Variants in FHOD3 observed in about 807,000 individuals in gnomAD.
FHOD3 encodes FH1/FH2 domain-containing protein 3.
In FHOD3, 90 loss-of-function variants were observed where a neutral mutation model predicts 173.0. The observed-to-expected ratio is 0.52, with a 90% confidence interval of 0.44 to 0.62. The LOEUF (loss-of-function observed/expected upper bound fraction) is 0.62, where lower values mean the gene tolerates loss of function less well. FHOD3 is among the 20% of genes least tolerant of loss of function. FHOD3 has a pLI of 0.00. For synonymous variants in FHOD3, 828 were observed against 823.0 expected (o/e 1.01, Z -0.10); for missense variants, 1,945 against 2,034.7 (o/e 0.96, Z 0.85).
chr18:36,374,067 A>G (rs530842854), intron 3 of FHOD3, among the ~76,000 whole-genome samples: 1 of 152,340 alleles, frequency 6.6e-6, no homozygotes, highest in African/African-American at 2.4e-5. Context: ...TCCCAGGAAT[A>G]GTAAGGTGGC....
intron 3 of FHOD3, among the ~76,000 whole-genome samples, chr18:36,464,846 C>A (rs188053973): frequency 4.6e-5 from 7 of 152,068 alleles, no homozygotes; most frequent in Admixed American, 2.6e-4. Context: ...GTCTCTCCCC[C>A]CTCTTTCTTC....
intron 3 of FHOD3, among the ~76,000 whole-genome samples, chr18:36,379,006 G>A (rs1397508165): frequency 6.6e-6 from 1 of 152,110 alleles, no homozygotes; most frequent in Non-Finnish European, 1.5e-5. Context: ...TTAAATGCTG[G>A]GAACCATTCA....
chr18:36,583,970 G>A (rs1302941054), intron 6 of FHOD3, among the ~76,000 whole-genome samples: 2 of 152,038 alleles, frequency 1.3e-5, no homozygotes, highest in Non-Finnish European at 2.9e-5. Context: ...GGACCACAGG[G>A]AACACACCAC....
rs1458938674 is a variant in FHOD3 at position 36,658,154 on chromosome 18, T to C, written c.1801T>C (p.Ser601Pro). The change falls in exon 14 of 29, where the codon TCC becomes CCC. Residue 601 changes from serine to proline, a missense_variant. This residue lies in a region of FHOD3 where 1,099 missense variants were observed against 1,051.2 expected (regional missense o/e 1.05). Coordinates refer to ENST00000590592, the MANE Select transcript of FHOD3 (RefSeq NM_001281740.3). ...CAGTGTGCCCACCACCCCCACATCA[T>C]CCGTCTCACCCCCACAGGAGGCCAG... ...GSSVPTTPTS[S>P]VSPPQEARLE... The C allele has an allele frequency of 6.9e-6, 11 of 1,590,964 alleles. No individual in the cohort carries two copies. Among genetic ancestry groups the C allele is most frequent in the Admixed American group, 1.8e-5 (1 of 55,124 alleles).
intron 1 of FHOD3, among the ~76,000 whole-genome samples, chr18:36,350,171 C>G (rs1409580381): frequency 1.3e-5 from 2 of 152,182 alleles, no homozygotes; most frequent in African/African-American, 4.8e-5. Context: ...GTGGAAGGCT[C>G]TTTCTATGTC....
At chr18:36,683,632 G>A (rs970563566) in intron 15 of FHOD3, among the ~76,000 whole-genome samples, 4 of 152,176 alleles carry the variant, frequency 2.6e-5, no homozygotes, top group Non-Finnish European at 5.9e-5. Flanking sequence ...AAGAACCCCA[G>A]AAGAAGTCCT....
intron 1 of FHOD3, among the ~76,000 whole-genome samples, chr18:36,335,065 C>A: frequency 6.6e-6 from 1 of 152,188 alleles, no homozygotes; most frequent in African/African-American, 2.4e-5. Context: ...GGGCTAGGCT[C>A]ATGGATGCAC....
At position 36,769,344 on chromosome 18, in the gene FHOD3, C is replaced by T. The variant is rs1238102406; in HGVS notation, c.4704C>T (p.Arg1568=). The T allele has an allele frequency of 3.1e-6, 5 of 1,614,208 alleles. No homozygotes were observed. Among genetic ancestry groups the T allele is most frequent in the African/African-American group, 1.3e-5 (1 of 75,050 alleles). The change falls in exon 28 of 29, where the codon CGC becomes CGT. Residue 1568 remains arginine, a synonymous_variant. Coordinates refer to ENST00000590592, the MANE Select transcript of FHOD3 (RefSeq NM_001281740.3). ...ATGCAGCTGATGAGATCATGGACCG[C>T]ATCGTCAAGTCAGCCACCCAAGTGC... ...TDDAADEIMD[R]IVKSATQVPS... is the part of the protein sequence containing the mutation.
chr18:36,594,763 T>C (rs1291745674), intron 6 of FHOD3, 24 bp from the exon 7 acceptor site: 1 of 1,570,742 alleles, frequency 6.4e-7, no homozygotes, highest in Middle Eastern at 1.7e-4. Flanking sequence ...GGCAGTGATG[T>C]GATGGTTTTA....
At chr18:36,450,789 T>C (rs1256907355) in intron 3 of FHOD3, among the ~76,000 whole-genome samples, 1 of 152,164 alleles carries the variant, frequency 6.6e-6, no homozygotes. Flanking sequence ...CAGGACCCTG[T>C]CTTTTAAAAC....
At chr18:36,565,955 T>G (rs2058248491) in intron 5 of FHOD3, among the ~76,000 whole-genome samples, 1 of 152,220 alleles carries the variant, frequency 6.6e-6, no homozygotes, top group Non-Finnish European at 1.5e-5. Flanking sequence ...ATAATAATGC[T>G]TTAAAAAACT....
intron 10 of FHOD3, among the ~76,000 whole-genome samples, chr18:36,630,392 C>T (rs984570049): frequency 6.6e-6 from 1 of 152,076 alleles, no homozygotes; most frequent in Non-Finnish European, 1.5e-5. Flanking sequence ...ATTTTAAGTC[C>T]GTTTAGCAAA....
At chr18:36,526,208 A>G (rs2056502946) in intron 5 of FHOD3, among the ~76,000 whole-genome samples, 1 of 152,266 alleles carries the variant, frequency 6.6e-6, no homozygotes. Flanking sequence ...CATAGGAGCC[A>G]TCTAAGTAAA....
At chr18:36,423,864 A>C (rs984251407) in intron 3 of FHOD3, among the ~76,000 whole-genome samples, 4 of 152,356 alleles carry the variant, frequency 2.6e-5, no homozygotes, top group Non-Finnish European at 5.9e-5. Context: ...TTTTCACGGC[A>C]ATCATCACCT....
chr18:36,357,088 G>A (rs548599070), intron 2 of FHOD3, among the ~76,000 whole-genome samples: 334 of 152,200 alleles, frequency 2.2e-3, no homozygotes, highest in African/African-American at 7.6e-3. Context: ...CACTTTGCCC[G>A]AGTTAAAAAT....
At chr18:36,668,901 A>G (rs377521955) in intron 14 of FHOD3, among the ~76,000 whole-genome samples, 9 of 152,140 alleles carry the variant, frequency 5.9e-5, no homozygotes, top group African/African-American at 1.7e-4. Context: ...ACAGCCCAGA[A>G]TAGGATCAAC....
chr18:36,760,792 G>T lies in FHOD3; in HGVS notation c.4624+10G>T. 1 of 1,601,386 alleles carries T rather than the reference G, an allele frequency of 6.2e-7. No homozygotes were observed. On this transcript the variant is annotated intron_variant, in intron 27 of 28. Coordinates refer to ENST00000590592, the MANE Select transcript of FHOD3 (RefSeq NM_001281740.3). ...AGCCGAGCAAGCCGAGGTAACTCCT[G>T]GCTGCGCGGGGCTCGTCTTGTCTTC...
At chr18:36,397,013 T>A (rs2146589311) in intron 3 of FHOD3, among the ~76,000 whole-genome samples, 1 of 152,286 alleles carries the variant, frequency 6.6e-6, no homozygotes, top group South Asian at 2.1e-4. Context: ...ATATTACTGC[T>A]CCACTATTTC....
chr18:36,590,555 A>C (rs1263530904), intron 6 of FHOD3, among the ~76,000 whole-genome samples: 1 of 152,200 alleles, frequency 6.6e-6, no homozygotes, highest in Non-Finnish European at 1.5e-5. Context: ...CTTTTTTCCT[A>C]AAGTGATTTA....
Sources: allele counts gnomAD v4.1 joint callset (sites outside exome capture counted in the v4.1 genomes callset), GRCh38; gene constraint gnomAD v4.1.1; regional missense constraint gnomAD v4.1.1; transcripts MANE v1.5; gene names NCBI Gene and HGNC (gene_info 2026-07-23, HGNC 2026-07-21).